Variants in ACTR3C observed in about 807,000 individuals in gnomAD.
ACTR3C encodes actin-related protein 3C.
Under a neutral mutation model 26.3 loss-of-function variants are expected in ACTR3C, and 18 were observed. The ratio of observed to expected loss-of-function variants is 0.68; its 90% CI spans 0.47 to 1.01. The LOEUF (loss-of-function observed/expected upper bound fraction) is 1.01, where lower values mean the gene tolerates loss of function less well. Among genes scored for constraint, ACTR3C ranks in the 50% least tolerant of loss-of-function variants. The pLI, the probability that ACTR3C is intolerant of heterozygous loss-of-function variation, is 0.00. For missense variants in ACTR3C, 184 were observed against 250.7 expected, an observed-to-expected ratio of 0.73 and a Z score of 1.80; for synonymous variants, 55 against 94.5, an observed-to-expected ratio of 0.58 and a Z score of 2.42.
the ACTR3C span, among the ~76,000 whole-genome samples, chr7:150,118,989 G>T: frequency 2.0e-5 from 3 of 148,846 alleles, no homozygotes; most frequent in Non-Finnish European, 3.0e-5. Context: ...GCCAAACTAA[G>T]CTTTGTAAGC....
At chr7:149,927,584 C>T in the ACTR3C span, among the ~76,000 whole-genome samples, 20 of 151,870 alleles carry the variant, frequency 1.3e-4, no homozygotes, top group African/African-American at 4.8e-4. Context: ...CAAAATTAGC[C>T]GGGCATAGTG....
the ACTR3C span, among the ~76,000 whole-genome samples, chr7:150,143,805 C>T: frequency 6.6e-6 from 1 of 152,254 alleles, no homozygotes; most frequent in Non-Finnish European, 1.5e-5. Flanking sequence ...CATCCCCCCG[C>T]TTAGAGCTTG....
chr7:149,954,279 AGAACT>A, the ACTR3C span, among the ~76,000 whole-genome samples: 16 of 152,340 alleles, frequency 1.1e-4, no homozygotes, highest in African/African-American at 3.1e-4. Context: ...GAAAAAGAAC[AGAACT>A]AAGTAACATG....
the ACTR3C span, among the ~76,000 whole-genome samples, chr7:150,183,998 G>C: frequency 1.2e-4 from 18 of 150,638 alleles, no homozygotes; most frequent in Non-Finnish European, 2.1e-4. Context: ...CGCCATAATT[G>C]TAAGTTTCCT....
the ACTR3C span, among the ~76,000 whole-genome samples, chr7:150,054,305 T>C: frequency 6.6e-6 from 1 of 152,224 alleles, no homozygotes; most frequent in Non-Finnish European, 1.5e-5. Context: ...CCAGGCCCCC[T>C]GCAGGGAAGC....
At chr7:149,954,225 T>C in the ACTR3C span, among the ~76,000 whole-genome samples, 4 of 152,218 alleles carry the variant, frequency 2.6e-5, no homozygotes, top group African/African-American at 9.6e-5. Flanking sequence ...AGAATCACAA[T>C]GAAAGTCCAT....
chr7:150,156,247 G>A, the ACTR3C span, among the ~76,000 whole-genome samples: 13 of 151,790 alleles, frequency 8.6e-5, no homozygotes, highest in African/African-American at 2.7e-4. Context: ...CCTGTTTGCC[G>A]CTGTGTGTTA....
At chr7:149,964,519 A>G in the ACTR3C span, among the ~76,000 whole-genome samples, 1 of 152,188 alleles carries the variant, frequency 6.6e-6, no homozygotes, top group Non-Finnish European at 1.5e-5. Flanking sequence ...AGGGGTAAGA[A>G]GGGCATGGGC....
the ACTR3C span, among the ~76,000 whole-genome samples, chr7:150,025,907 C>T: frequency 6.6e-6 from 1 of 151,732 alleles, no homozygotes; most frequent in Non-Finnish European, 1.5e-5. Context: ...GGAAGGAATA[C>T]AGCTTTAGAA....
chr7:150,195,740 A>G, the ACTR3C span, among the ~76,000 whole-genome samples: 4,513 of 152,164 alleles, frequency 0.03, 220 homozygotes, highest in African/African-American at 0.1. Context: ...TTAGTCAGGC[A>G]TGGTGGCACA....
chr7:150,187,474 G>C, the ACTR3C span, among the ~76,000 whole-genome samples: 2 of 145,802 alleles, frequency 1.4e-5, no homozygotes, highest in African/African-American at 5.1e-5. Flanking sequence ...ACTAACTAAA[G>C]AATTTATTTG....
intron 6 of ACTR3C, among the ~76,000 whole-genome samples, chr7:150,256,391 C>T (rs1214026076): frequency 6.6e-6 from 1 of 152,256 alleles, no homozygotes; most frequent in Non-Finnish European, 1.5e-5. Context: ...TTCCCATCAA[C>T]AGTGTATAAG....
chr7:150,011,593 A>T, the ACTR3C span, among the ~76,000 whole-genome samples: 1 of 152,170 alleles, frequency 6.6e-6, no homozygotes, highest in Admixed American at 6.5e-5. Context: ...TCAAAAAATA[A>T]ATAAATAAAA....
At chr7:149,901,102 G>A in the ACTR3C span, among the ~76,000 whole-genome samples, 1 of 152,192 alleles carries the variant, frequency 6.6e-6, no homozygotes, top group Non-Finnish European at 1.5e-5. Flanking sequence ...ATGTAGCACC[G>A]TCAGTTTAAA....
chr7:150,249,517 G>A (rs539637452), intron 6 of ACTR3C, among the ~76,000 whole-genome samples: 2 of 152,022 alleles, frequency 1.3e-5, no homozygotes, highest in East Asian at 1.9e-4. Flanking sequence ...GCAGTGGCAC[G>A]ATCTGGGCTC....
At chr7:149,888,307 A>G in the ACTR3C span, among the ~76,000 whole-genome samples, 2 of 152,304 alleles carry the variant, frequency 1.3e-5, no homozygotes, top group African/African-American at 4.8e-5. Flanking sequence ...GAACTTCTCT[A>G]GGATATATAT....
the ACTR3C span, among the ~76,000 whole-genome samples, chr7:150,225,506 A>G: frequency 1.3e-5 from 2 of 152,162 alleles, no homozygotes; most frequent in South Asian, 2.1e-4. Context: ...GTTCTACTCT[A>G]TATGTACAGT....
At chr7:150,042,119 G>C in the ACTR3C span, among the ~76,000 whole-genome samples, 3 of 57,412 alleles carry the variant, frequency 5.2e-5, no homozygotes, top group Admixed American at 1.8e-4. Flanking sequence ...CCCCCTCTGC[G>C]ATGGGGGTCC....
the ACTR3C span, among the ~76,000 whole-genome samples, chr7:150,019,393 A>C: frequency 6.7e-6 from 1 of 149,552 alleles, no homozygotes; most frequent in Non-Finnish European, 1.5e-5. Context: ...AGAGATCGAG[A>C]CCATCCTGGC....
Sources: gnomAD v4.1 joint callset for allele counts (sites outside exome capture counted in the v4.1 genomes callset) on GRCh38, gnomAD v4.1.1 for gene constraint, MANE v1.5 for transcripts, NCBI Gene and HGNC (gene_info 2026-07-23, HGNC 2026-07-21) for gene names.